The following FAF1 variants were observed in gnomAD, a reference collection of about 807,000 sequenced individuals.
The protein encoded by FAF1 is FAS-associated factor 1.
Under a neutral mutation model 92.5 loss-of-function variants are expected in FAF1, and 25 were observed. That is an observed-to-expected ratio of 0.27 (90% CI 0.20 to 0.38). FAF1 has a LOEUF of 0.38. FAF1 is among the 10% of genes least tolerant of loss of function. The pLI, the probability that FAF1 is intolerant of heterozygous loss-of-function variation, is 1.00. For missense variants in FAF1, 636 were observed against 793.3 expected (o/e 0.80, Z 2.38); for synonymous variants, 234 against 273.2 (o/e 0.86, Z 1.42).
chr1:50,649,961 C>T (rs568643355), intron 8 of FAF1, among the ~76,000 whole-genome samples: 56 of 149,742 alleles, frequency 3.7e-4, no homozygotes, highest in Non-Finnish European at 5.5e-4. Flanking sequence ...AGTAAGACTC[C>T]GTCAAAGAGA....
At chr1:50,596,053 A>T (rs1171125413) in intron 9 of FAF1, 68 bp downstream of exon 9, 3 of 1,000,584 alleles carry the variant, frequency 3.0e-6, no homozygotes, top group Non-Finnish European at 4.7e-6. Flanking sequence ...AGATAAAAAA[A>T]AAGGGAAGTG....
At chr1:50,658,500 G>T (rs1462531598) in intron 7 of FAF1, among the ~76,000 whole-genome samples, 3 of 152,068 alleles carry the variant, frequency 2.0e-5, no homozygotes, top group East Asian at 3.9e-4. Context: ...ATCTGTAACT[G>T]CACTGAATTG....
chr1:50,735,849 T>A (rs1469807302), intron 6 of FAF1, among the ~76,000 whole-genome samples: 2 of 152,120 alleles, frequency 1.3e-5, no homozygotes, highest in Non-Finnish European at 2.9e-5. Context: ...CCTGAGCAGC[T>A]AGGACTACAG....
chr1:50,710,017 A>G (rs1288995992), intron 6 of FAF1, among the ~76,000 whole-genome samples: 1 of 152,200 alleles, frequency 6.6e-6, no homozygotes, highest in Admixed American at 6.5e-5. Context: ...GTGTAAGGTG[A>G]TGTGAAGAAA....
At chr1:50,838,030 A>G (rs927718262) in intron 2 of FAF1, among the ~76,000 whole-genome samples, 2 of 152,190 alleles carry the variant, frequency 1.3e-5, no homozygotes, top group African/African-American at 4.8e-5. Context: ...GGCGTGAGCC[A>G]CCGCGCCTGG....
intron 7 of FAF1, among the ~76,000 whole-genome samples, chr1:50,680,727 A>C (rs1007668472): frequency 6.6e-6 from 1 of 151,938 alleles, no homozygotes; most frequent in African/African-American, 2.4e-5. Flanking sequence ...GATTCTAAGA[A>C]CTTCTGAGTC....
intron 7 of FAF1, among the ~76,000 whole-genome samples, chr1:50,686,469 G>T (rs979404964): frequency 6.6e-6 from 1 of 152,048 alleles, no homozygotes; most frequent in Non-Finnish European, 1.5e-5. Context: ...TTGAACCTGG[G>T]AGGTGGAAGT....
At chr1:50,791,755 T>C (rs971721783) in intron 3 of FAF1, among the ~76,000 whole-genome samples, 2 of 152,218 alleles carry the variant, frequency 1.3e-5, no homozygotes, top group African/African-American at 4.8e-5. Flanking sequence ...GCATTTATCA[T>C]ATCCATGTTA....
intron 1 of FAF1, among the ~76,000 whole-genome samples, chr1:50,905,195 G>C (rs1182295410): frequency 1.3e-5 from 2 of 152,102 alleles, no homozygotes; most frequent in Non-Finnish European, 2.9e-5. Context: ...CTTCATCCGT[G>C]TCCCTACAAA....
chr1:50,531,796 T>C (rs900241724), intron 15 of FAF1, among the ~76,000 whole-genome samples: 1 of 151,952 alleles, frequency 6.6e-6, no homozygotes, highest in Non-Finnish European at 1.5e-5. Context: ...CACTGAAGAG[T>C]GATTCAGTGT....
chr1:50,648,772 T>A (rs1453417895), intron 8 of FAF1, among the ~76,000 whole-genome samples: 4 of 152,112 alleles, frequency 2.6e-5, no homozygotes, highest in Non-Finnish European at 5.9e-5. Context: ...ACTAAAAATA[T>A]AAAATCAGCT....
At chr1:50,577,755 T>C (rs535932013) in intron 12 of FAF1, among the ~76,000 whole-genome samples, 1 of 152,288 alleles carries the variant, frequency 6.6e-6, no homozygotes, top group African/African-American at 2.4e-5. Context: ...GTGTCCTTCA[T>C]AGTTAAGGGC....
At chr1:50,746,290 ATATTTTTTTTTTTT>A (rs1659616660) in intron 4 of FAF1, among the ~76,000 whole-genome samples, 1 of 16,834 alleles carries the variant, frequency 5.9e-5, no homozygotes, top group African/African-American at 3.2e-4. Flanking sequence ...ATATATATAT[ATATTTTTTTTTTTT>A]TTTTTTTTTT....
chr1:50,474,789 A>G (rs1646618463), intron 18 of FAF1, among the ~76,000 whole-genome samples: 2 of 152,230 alleles, frequency 1.3e-5, no homozygotes, highest in Admixed American at 1.3e-4. Context: ...TAAAGTCTTC[A>G]TTTAGGTTGC....
At chr1:50,624,875 T>C (rs931570859) in intron 8 of FAF1, among the ~76,000 whole-genome samples, 1 of 151,052 alleles carries the variant, frequency 6.6e-6, no homozygotes, top group African/African-American at 2.4e-5. Flanking sequence ...CTCCCTTTTA[T>C]ACAGCACTAG....
At chr1:50,598,866 AG>A (rs1479071966) in intron 8 of FAF1, among the ~76,000 whole-genome samples, 4 of 152,060 alleles carry the variant, frequency 2.6e-5, no homozygotes, top group Non-Finnish European at 5.9e-5. Flanking sequence ...GCTACTTGGG[AG>A]GCTGAGGCAG....
intron 1 of FAF1, among the ~76,000 whole-genome samples, chr1:50,926,242 A>T (rs1350758822): frequency 6.6e-6 from 1 of 152,134 alleles, no homozygotes; most frequent in East Asian, 1.9e-4. Context: ...CAAACAAACA[A>T]AACTACAAAG....
intron 2 of FAF1, among the ~76,000 whole-genome samples, chr1:50,810,738 A>T (rs771284710): frequency 2.5e-4 from 38 of 152,178 alleles, no homozygotes; most frequent in Non-Finnish European, 4.1e-4. Context: ...AACATTTCAG[A>T]ATATAAAATT....
chr1:50,664,622 C>G (rs866758624), intron 7 of FAF1, among the ~76,000 whole-genome samples: 1 of 152,034 alleles, frequency 6.6e-6, no homozygotes, highest in South Asian at 2.1e-4. Flanking sequence ...AAACCTGTCT[C>G]TACTAAAAAT....
Sources: gnomAD v4.1 joint callset for allele counts (sites outside exome capture counted in the v4.1 genomes callset) on GRCh38, gnomAD v4.1.1 for gene constraint, MANE v1.5 for transcripts, NCBI Gene and HGNC (gene_info 2026-07-23, HGNC 2026-07-21) for gene names.